Variants in EFCAB12 observed in about 807,000 individuals in gnomAD.
EFCAB12 encodes the protein EF-hand calcium-binding domain-containing protein 12.
In EFCAB12, 43 loss-of-function variants were observed where a neutral mutation model predicts 53.6. The ratio of observed to expected loss-of-function variants is 0.80; its 90% CI spans 0.63 to 1.03. The LOEUF (loss-of-function observed/expected upper bound fraction) is 1.03, where lower values mean the gene tolerates loss of function less well. Ranked by LOEUF, EFCAB12 falls within the 50% of genes least tolerant of loss-of-function variation. The pLI, the probability that EFCAB12 is intolerant of heterozygous loss-of-function variation, is 0.00. For synonymous variants in EFCAB12, 269 were observed against 289.2 expected (o/e 0.93, Z 0.71); for missense variants, 646 against 730.6 (o/e 0.88, Z 1.34).
At chr3:129,420,881 T>C (rs2072179292) in intron 2 of EFCAB12, among the ~76,000 whole-genome samples, 1 of 152,236 alleles carries the variant, frequency 6.6e-6, no homozygotes, top group South Asian at 2.1e-4. Flanking sequence ...TCTGTCTTGC[T>C]CTCTTTTTTG....
rs2072298623 is a variant in EFCAB12, at chr3:129,428,555, G to T, written c.-67C>A. On this transcript the variant is annotated 5_prime_UTR_variant, in exon 1 of 9. Coordinates refer to ENST00000505956, the MANE Select transcript of EFCAB12 (RefSeq NM_207307.3). ...TGTGTGTCGATGTGGGCTTGCTTGC[G>T]TAGGGGTACCGGGGTATCAGATAAA... The T allele has an allele frequency of 1.3e-6, 2 of 1,564,080 alleles. No homozygotes were observed. The highest frequency in any genetic ancestry group is 1.4e-5 in the African/African-American group (1 of 73,830).
intron 1 of EFCAB12, among the ~76,000 whole-genome samples, chr3:129,427,578 G>A (rs2107744729): frequency 6.6e-6 from 1 of 152,352 alleles, no homozygotes; most frequent in South Asian, 2.1e-4. Context: ...GCCTGGGAAA[G>A]GTGGCCAGCC....
intron 4 of EFCAB12, chr3:129,412,469 GATAGATA>G: frequency 6.6e-6 from 1 of 151,980 alleles, no homozygotes; most frequent in African/African-American, 2.4e-5. Flanking sequence ...TAGATAGATA[GATAGATA>G]GACAGACTGA....
rs377572080 is a variant in EFCAB12, at chr3:129,418,362, G to C, written c.573C>G (p.Tyr191Ter). 6.2e-7 allele frequency: 1 copy of C among 1,613,884 alleles called. No individual in the cohort carries two copies. Among genetic ancestry groups the C allele is most frequent in the African/African-American group, 1.3e-5 (1 of 75,048 alleles). ...LPEPPALSVMYSYLHSRKIKI... is the reference protein window; with the variant it reads ...LPEPPALSVM ...TGATCTTGCGGCTATGCAGGTAGGA[G>C]TACATGACCGACAGGGCAGGGGGCT... Residue 191 changes from tyrosine (Y) to a stop codon, truncating the protein, a stop_gained, in exon 3 of 9, where the codon TAC becomes TAG. Coordinates refer to ENST00000505956, the MANE Select transcript of EFCAB12 (RefSeq NM_207307.3). LOFTEE classifies it high-confidence loss of function.
chr3:129,401,508 C>CTGG lies in EFCAB12; in HGVS notation c.*84_*85insCCA. The CTGG allele has an allele frequency of 6.9e-7, 1 of 1,440,198 alleles. No homozygotes were observed. The highest frequency in any genetic ancestry group is 9.2e-7 in the Non-Finnish European group (1 of 1,088,676). The allele number at this position is 1,440,198 out of a possible 1,614,324, so 89.2% of individuals were successfully genotyped here. ...GGATTTCTTTAGTTTGACTCTTTGA[C>CTGG]ACTCCTCTTGTGTCTGGGCTCTGGG... is the stretch of plus-strand genomic sequence containing the variant. On this transcript the variant is annotated 3_prime_UTR_variant, in exon 9 of 9. Coordinates refer to ENST00000505956, the MANE Select transcript of EFCAB12 (RefSeq NM_207307.3).
At chr3:129,420,116 A>G (rs1399485020) in intron 2 of EFCAB12, among the ~76,000 whole-genome samples, 1 of 152,210 alleles carries the variant, frequency 6.6e-6, no homozygotes, top group Non-Finnish European at 1.5e-5. Context: ...TGTTAGACCC[A>G]TGAAATTAGG....
chr3:129,428,420 C>T lies in EFCAB12; in HGVS notation c.49+20G>A. 6.3e-7 allele frequency: 1 copy of T among 1,599,862 alleles called. No homozygotes were observed. The highest frequency in any genetic ancestry group is 8.5e-7 in the Non-Finnish European group (1 of 1,172,922). On this transcript the variant is annotated intron_variant, in intron 1 of 8. Transcript: ENST00000505956. ...TAGGGCGCTGAGCGCTCCCTGCAGA[C>T]GCTTCTTCCCGGGGCTTACCGAGCA...
At position 129,401,404 on chromosome 3, in the gene EFCAB12, C is replaced by T. The variant is rs1159663355; in HGVS notation, c.*189G>A. ...AATAGTCAAAAACTGCACGTCATTC[C>T]TTGGACACATCTACCCTCTGAGACA... On this transcript the variant is annotated 3_prime_UTR_variant, in exon 9 of 9. Transcript: ENST00000505956. The T allele has an allele frequency of 8.3e-6, 6 of 718,898 alleles. No homozygotes were observed. The highest frequency in any genetic ancestry group is 6.7e-5 in the Admixed American group (2 of 29,818). 44.5% of individuals were successfully genotyped at this position (718,898 alleles called of 1,614,324 possible). A position where few individuals can be genotyped will look rare whatever the true frequency, so the allele number is the denominator to read the frequency against.
At chr3:129,426,359 GTTTTTTTTTTT>G (rs71620055) in intron 1 of EFCAB12, among the ~76,000 whole-genome samples, 21 of 87,818 alleles carry the variant, frequency 2.4e-4, no homozygotes, top group African/African-American at 7.1e-4. Flanking sequence ...GTTTTTTTTT[GTTTTTTTTTTT>G]TTTTTTTTTT....
At chr3:129,417,341 C>A (rs9917658) in intron 3 of EFCAB12, among the ~76,000 whole-genome samples, 27,360 of 61,932 alleles carry the variant, frequency 0.44, 4,307 homozygotes, top group African/African-American at 0.61. Context: ...AAAAAAAAAC[C>A]AAAAAAAAAA....
intron 3 of EFCAB12, among the ~76,000 whole-genome samples, chr3:129,416,512 A>C (rs936040508): frequency 6.6e-6 from 1 of 152,260 alleles, no homozygotes; most frequent in Non-Finnish European, 1.5e-5. Flanking sequence ...GAGATTAAAG[A>C]CTATTATCTT....
intron 6 of EFCAB12, among the ~76,000 whole-genome samples, chr3:129,407,124 G>C (rs573072591): frequency 1.3e-5 from 2 of 152,282 alleles, no homozygotes; most frequent in East Asian, 3.9e-4. Flanking sequence ...GAGAAAATGT[G>C]GACACACAAG....
chr3:129,407,765 T>C (rs2071972036), intron 6 of EFCAB12, among the ~76,000 whole-genome samples: 1 of 152,080 alleles, frequency 6.6e-6, no homozygotes, highest in Admixed American at 6.5e-5. Flanking sequence ...AATACAAAAA[T>C]TAGCTGTGCA....
Position 129,401,811 on chromosome 3 carries a change from G to T in EFCAB12, c.1501C>A (p.His501Asn). 3 of 1,613,334 alleles carry T rather than the reference G, an allele frequency of 1.9e-6. No homozygotes were observed. The highest frequency in any genetic ancestry group is 2.5e-6 in the Non-Finnish European group (3 of 1,179,566). ...TGACCCGGCCAGAAGGAATTGGGGT[G>T]TGTTTGCTGCAGACCACTGGACCTC... ...VKRSSGLQQTHPNSFWPGHLL... is the reference protein window; with the variant it reads ...VKRSSGLQQTNPNSFWPGHLL... Residue 501 changes from histidine (H) to asparagine (N), a missense_variant, in exon 9 of 9, where the codon CAC becomes AAC. Coordinates refer to ENST00000505956, the MANE Select transcript of EFCAB12 (RefSeq NM_207307.3).
chr3:129,405,857 G>A (rs2071943387), intron 6 of EFCAB12, among the ~76,000 whole-genome samples: 1 of 152,188 alleles, frequency 6.6e-6, no homozygotes, highest in African/African-American at 2.4e-5. Context: ...ATGCTCCTGT[G>A]TGCCCATGAA....
chr3:129,428,205 C>G (rs1182621040), intron 1 of EFCAB12, among the ~76,000 whole-genome samples: 2 of 152,194 alleles, frequency 1.3e-5, no homozygotes, highest in Non-Finnish European at 2.9e-5. Flanking sequence ...TAATGTCCTG[C>G]AGAGAAACAG....
chr3:129,407,448 C>T (rs1337090154), intron 6 of EFCAB12, among the ~76,000 whole-genome samples: 1 of 152,206 alleles, frequency 6.6e-6, no homozygotes, highest in Non-Finnish European at 1.5e-5. Flanking sequence ...CTAGTTCTCA[C>T]GTAAGTCACA....
chr3:129,422,123 C>A (rs1020705323), intron 1 of EFCAB12, among the ~76,000 whole-genome samples: 1 of 152,156 alleles, frequency 6.6e-6, no homozygotes, highest in Non-Finnish European at 1.5e-5. Context: ...TGAGGCAGCA[C>A]AGTATTAAGA....
chr3:129,428,509 G>T lies in EFCAB12; in HGVS notation c.-21C>A. 1.2e-6 allele frequency: 2 copies of T among 1,609,792 alleles called. No individual in the cohort carries two copies. Among genetic ancestry groups the T allele is most frequent in the South Asian group, 1.1e-5 (1 of 90,058 alleles). ...TCCATGGTCGTGGTGCTGGGAGGGG[G>T]TGCTGAAGGGCGTGTGTGAATGTGT... On this transcript the variant is annotated 5_prime_UTR_variant, in exon 1 of 9. Transcript: ENST00000505956.
Sources: gnomAD v4.1 joint callset for allele counts (sites outside exome capture counted in the v4.1 genomes callset) on GRCh38, gnomAD v4.1.1 for gene constraint, MANE v1.5 for transcripts, NCBI Gene and HGNC (gene_info 2026-07-23, HGNC 2026-07-21) for gene names.